DISP1: variants seen among roughly 807,000 people sequenced by gnomAD.
The protein encoded by DISP1 is protein dispatched homolog 1.
Under a neutral mutation model 37.3 loss-of-function variants are expected in DISP1, and 30 were observed. The ratio of observed to expected loss-of-function variants is 0.80; its 90% CI spans 0.60 to 1.09. The LOEUF is 1.09. Among genes scored for constraint, DISP1 ranks in the 50% least tolerant of loss-of-function variants. DISP1 has a pLI of 0.00. For synonymous variants in DISP1, 634 were observed against 690.2 expected (o/e 0.92, Z 1.28); for missense variants, 1,598 against 1,879.5 (o/e 0.85, Z 2.77).
intron 4 of DISP1, among the ~76,000 whole-genome samples, chr1:222,988,197 A>T (rs919089912): frequency 1.3e-5 from 2 of 152,206 alleles, no homozygotes; most frequent in African/African-American, 4.8e-5. Flanking sequence ...CTAGTGAATA[A>T]TGTTCAAACT....
chr1:223,005,489 G>A lies in DISP1; in HGVS notation c.4092G>A (p.Gln1364=). ...NFFLHPVQHI[Q]AQEKIGKTNV... ...TCCTCCACCCAGTGCAGCACATTCA[G>A]GCCCAAGAAAAAATTGGCAAGACCA... The change falls in exon 9 of 9, where the codon CAG becomes CAA. Residue 1364 remains glutamine (Q), a synonymous_variant. Coordinates refer to ENST00000675850, the MANE Select transcript of DISP1 (RefSeq NM_001377229.1). 6.2e-7 allele frequency: 1 copy of A among 1,613,894 alleles called. No individual in the cohort carries two copies. Among genetic ancestry groups the A allele is most frequent in the South Asian group, 1.1e-5 (1 of 91,078 alleles).
Position 223,005,976 on chromosome 1 carries a change from AT to A in DISP1, c.*5del. The A allele has an allele frequency of 1.2e-6, 2 of 1,606,322 alleles. No individual in the cohort carries two copies. The highest frequency in any genetic ancestry group is 1.7e-6 in the Non-Finnish European group (2 of 1,174,240). On this transcript the variant is annotated 3_prime_UTR_variant, in exon 9 of 9. Coordinates refer to ENST00000675850, the MANE Select transcript of DISP1 (RefSeq NM_001377229.1). The stretch of plus-strand genomic sequence containing the variant: ...TTTGTTAATAAAAACACTATAATAA[AT>A]GCAGCATTCAATTCAGAACCAGTGC...
chr1:222,871,228 G>A (rs1328686915), intron 1 of DISP1, among the ~76,000 whole-genome samples: 1 of 152,176 alleles, frequency 6.6e-6, no homozygotes, highest in Non-Finnish European at 1.5e-5. Flanking sequence ...GTAGCATGAT[G>A]CCTCCAGCTT....
intron 2 of DISP1, among the ~76,000 whole-genome samples, chr1:222,939,355 A>ATTTT (rs35313341): frequency 1.1e-4 from 12 of 113,012 alleles, no homozygotes; most frequent in South Asian, 3.3e-4. Context: ...AAGAAAAATA[A>ATTTT]TTTTTTTTTT....
intron 1 of DISP1, among the ~76,000 whole-genome samples, chr1:222,842,688 G>A (rs940104273): frequency 6.6e-6 from 1 of 151,988 alleles, no homozygotes; most frequent in African/African-American, 2.4e-5. Flanking sequence ...TAACACACAG[G>A]CTTTGGAGAG....
chr1:223,002,933 G>T lies in DISP1; in HGVS notation c.1536G>T (p.Val512=), dbSNP rs61738819. The T allele has an allele frequency of 6.2e-7, 1 of 1,613,630 alleles. No individual in the cohort carries two copies. Among genetic ancestry groups the T allele is most frequent in the Admixed American group, 1.7e-5 (1 of 60,008 alleles). ...MDTVYPAIAI[V]IVLLVMCVYT... ...CTGTGTATCCTGCCATAGCCATTGT[G>T]ATTGTCCTTTTAGTTATGTGTGTCT... is the stretch of plus-strand genomic sequence containing the variant. Residue 512 remains valine (V), a synonymous_variant, in exon 9 of 9, where the codon GTG becomes GTT. Coordinates refer to ENST00000675850, the MANE Select transcript of DISP1 (RefSeq NM_001377229.1).
intron 1 of DISP1, among the ~76,000 whole-genome samples, chr1:222,898,131 T>C (rs1671370460): frequency 6.6e-6 from 1 of 152,168 alleles, no homozygotes; most frequent in African/African-American, 2.4e-5. Flanking sequence ...TTTTAGCTTT[T>C]ATTATGTGGA....
intron 1 of DISP1, among the ~76,000 whole-genome samples, chr1:222,918,942 G>T (rs1672652309): frequency 6.6e-6 from 1 of 152,254 alleles, no homozygotes; most frequent in Admixed American, 6.5e-5. Flanking sequence ...ACTAATGTGG[G>T]TATGAGGGTA....
chr1:222,847,930 AG>A (rs1162536298), intron 1 of DISP1, among the ~76,000 whole-genome samples: 1 of 152,134 alleles, frequency 6.6e-6, no homozygotes, highest in African/African-American at 2.4e-5. Flanking sequence ...TCACAAATAA[AG>A]GTTATGAAAA....
intron 1 of DISP1, among the ~76,000 whole-genome samples, chr1:222,824,718 C>T (rs963458057): frequency 6.6e-6 from 1 of 151,504 alleles, no homozygotes; most frequent in East Asian, 1.9e-4. Context: ...AAAAGAATAA[C>T]GAAAGGAGAG....
intron 1 of DISP1, among the ~76,000 whole-genome samples, chr1:222,869,491 G>A (rs576905115): frequency 2.0e-5 from 3 of 152,036 alleles, no homozygotes; most frequent in East Asian, 1.9e-4. Flanking sequence ...TTTTCATTAT[G>A]GCACCACCAA....
rs796863918 is a variant in DISP1 at position 222,815,604 on chromosome 1, AGTTT to A, written c.-159+531_-159+534del. 3.4e-4 allele frequency among the ~76,000 whole-genome samples: 52 copies of A among 152,080 alleles called. 1 individual carries two copies. Among genetic ancestry groups the A allele is most frequent in the Admixed American group, 1.3e-3 (20 of 15,296 alleles). On this transcript the variant is annotated intron_variant, in intron 1 of 8. Transcript: ENST00000675850. The stretch of plus-strand genomic sequence containing the variant: ...CTATTGCTTCATTTGCAATTCATGC[AGTTT>A]GTTTTTTGTTTTTAGAAATATATCC...
intron 1 of DISP1, among the ~76,000 whole-genome samples, chr1:222,838,666 G>C (rs1667400918): frequency 1.3e-5 from 2 of 152,182 alleles, no homozygotes; most frequent in South Asian, 4.1e-4. Context: ...TATCCAGTCA[G>C]GAAGCTGAGG....
At chr1:222,894,742 C>T (rs75873256) in intron 1 of DISP1, among the ~76,000 whole-genome samples, 11,956 of 152,262 alleles carry the variant, frequency 0.079, 558 homozygotes, top group East Asian at 0.24. Context: ...TTCCCGCTCC[C>T]GCTGGCTCCC....
intron 4 of DISP1, 62 bp from the exon 5 acceptor site, chr1:222,990,563 G>T: frequency 6.2e-7 from 1 of 1,612,690 alleles, no homozygotes; most frequent in South Asian, 1.1e-5. Flanking sequence ...CCTTCTTTGT[G>T]CCTTCTTTGT....
chr1:222,846,458 T>C (rs543869504), intron 1 of DISP1, among the ~76,000 whole-genome samples: 5 of 152,070 alleles, frequency 3.3e-5, no homozygotes, highest in Admixed American at 3.3e-4. Context: ...GCCATTGCAC[T>C]CCAGCCTGGG....
intron 5 of DISP1, among the ~76,000 whole-genome samples, 183 bp from the exon 6 acceptor site, chr1:222,991,337 G>A (rs1173599619): frequency 2.0e-5 from 3 of 152,210 alleles, no homozygotes; most frequent in East Asian, 1.9e-4. Flanking sequence ...CAGCAAATAG[G>A]TGATGATTAT....
rs567729191 is a variant in DISP1 at position 222,880,255 on chromosome 1, A to G, written c.-158-48175A>G. ...TTATATTTTAAAAAGAGAAATAGACATGGGCATATAAAAAAGATTGGAAAT... is the reference window on the plus strand; with the variant it reads ...TTATATTTTAAAAAGAGAAATAGACGTGGGCATATAAAAAAGATTGGAAAT... On this transcript the variant is annotated intron_variant, in intron 1 of 8. Coordinates refer to ENST00000675850, the MANE Select transcript of DISP1 (RefSeq NM_001377229.1). Among the ~76,000 whole-genome samples the G allele has an allele frequency of 2.0e-5, 3 of 152,356 alleles. 1 individual carries two copies. The East Asian group carries it at 5.8e-4, about 29-fold the overall frequency.
chr1:222,888,608 G>A (rs1387566506), intron 1 of DISP1, among the ~76,000 whole-genome samples: 4 of 152,070 alleles, frequency 2.6e-5, no homozygotes, highest in Admixed American at 6.5e-5. Flanking sequence ...TATGTAGTGC[G>A]TTTATCAGAA....
Sources: gnomAD v4.1 joint callset for allele counts (sites outside exome capture counted in the v4.1 genomes callset) on GRCh38, gnomAD v4.1.1 for gene constraint, MANE v1.5 for transcripts, NCBI Gene and HGNC (gene_info 2026-07-23, HGNC 2026-07-21) for gene names.